The following WRN variants were observed in gnomAD, a reference collection of about 807,000 sequenced individuals.
WRN encodes the protein bifunctional 3'-5' exonuclease/ATP-dependent helicase WRN.
In WRN, 149 loss-of-function variants were observed where a neutral mutation model predicts 180.7. That is an observed-to-expected ratio of 0.82 (90% CI 0.72 to 0.94). WRN has a LOEUF of 0.94. Ranked by LOEUF, WRN falls within the 40% of genes least tolerant of loss-of-function variation. WRN has a pLI of 0.00. For synonymous variants in WRN, 548 were observed against 568.9 expected (o/e 0.96, Z 0.52); for missense variants, 1,661 against 1,700.1 (o/e 0.98, Z 0.40).
intron 19 of WRN, among the ~76,000 whole-genome samples, chr8:31,112,424 A>G (rs1801356196): frequency 6.6e-6 from 1 of 152,176 alleles, no homozygotes. Flanking sequence ...TCTATATAAA[A>G]TGATCTAATT....
chr8:31,051,333 T>G (rs953287579), intron 1 of WRN, among the ~76,000 whole-genome samples: 3 of 152,168 alleles, frequency 2.0e-5, no homozygotes, highest in African/African-American at 7.2e-5. Flanking sequence ...ACGGTTCTCT[T>G]GAGGTGAATT....
chr8:31,160,283 G>A (rs1334442380), intron 33 of WRN, among the ~76,000 whole-genome samples: 2 of 152,146 alleles, frequency 1.3e-5, no homozygotes, highest in South Asian at 2.1e-4. Flanking sequence ...ACGAATTAAC[G>A]ATGTAAGTTA....
Position 31,111,753 on chromosome 8 carries a change from A to C in WRN, c.2227A>C (p.Thr743Pro), listed in dbSNP as rs1314804052. 6.2e-7 allele frequency: 1 copy of C among 1,614,110 alleles called. No individual in the cohort carries two copies. Among genetic ancestry groups the C allele is most frequent in the Non-Finnish European group, 8.5e-7 (1 of 1,180,010 alleles). Residue 743 changes from threonine (T) to proline (P), a missense_variant, in exon 19 of 35, where the codon ACA becomes CCA. By Grantham distance (38) the Thr-to-Pro change is conservative. This residue lies in a region of WRN where 1,141 missense variants were observed against 1,149.4 expected (regional missense o/e 0.99). Transcript: ENST00000298139. Reference sequence around the variant, plus strand: ...CCTGTATTTAGAAGTTAGGCGAAAAACAGGGAATATCCTTCAGGATCTGCA... The same window carrying C: ...CCTGTATTTAGAAGTTAGGCGAAAACCAGGGAATATCCTTCAGGATCTGCA... ...PNLYLEVRRK[T>P]GNILQDLQPF...
chr8:31,175,662 C>G lies in WRN; in HGVS notation c.*2560C>G, dbSNP rs946245941. 6.6e-6 allele frequency among the ~76,000 whole-genome samples: 1 copy of G among 152,178 alleles called. No homozygotes were observed. On this transcript the variant is annotated 3_prime_UTR_variant, in exon 35 of 35. Transcript: ENST00000298139. ...GAACAGGCTATTAAAATACTCTTCTCTTTTCCAACTACGTGCCTGTGCAAA... is the reference window on the plus strand; with the variant it reads ...GAACAGGCTATTAAAATACTCTTCTGTTTTCCAACTACGTGCCTGTGCAAA...
rs1804258579 is a variant in WRN, at chr8:31,175,856, A to T, written c.*2754A>T. On this transcript the variant is annotated 3_prime_UTR_variant, in exon 35 of 35. Transcript: ENST00000298139. ...AAAAATATGTTTTTTAAAAGTATTT[A>T]TGTTAATGTGTACTTGGTTTACTAC... 6.6e-6 allele frequency among the ~76,000 whole-genome samples: 1 copy of T among 152,222 alleles called. No homozygotes were observed. Among genetic ancestry groups the T allele is most frequent in the Non-Finnish European group, 1.5e-5 (1 of 68,034 alleles).
Position 31,096,851 on chromosome 8 carries a change from G to C in WRN, c.1981+1G>C, listed in dbSNP as rs1814007969. The C allele has an allele frequency of 2.5e-6, 4 of 1,612,422 alleles. No homozygotes were observed. The highest frequency in any genetic ancestry group is 3.4e-6 in the Non-Finnish European group (4 of 1,179,006). ...CTCCAGCAACTTGAGGCTGATATTGGTAAGTGATAAAGAAAGATCTCTGTA... is the reference window on the plus strand; with the variant it reads ...CTCCAGCAACTTGAGGCTGATATTGCTAAGTGATAAAGAAAGATCTCTGTA... On this transcript the variant is annotated splice_donor_variant, in intron 17 of 34. Coordinates refer to ENST00000298139, the MANE Select transcript of WRN (RefSeq NM_000553.6). LOFTEE classifies it high-confidence loss of function.
chr8:31,140,679 A>G (rs943234343), intron 24 of WRN, among the ~76,000 whole-genome samples: 1 of 152,222 alleles, frequency 6.6e-6, no homozygotes, highest in Non-Finnish European at 1.5e-5. Context: ...AAAAACAAAA[A>G]TGCATTGGAA....
chr8:31,044,167 C>T (rs1563319243), intron 1 of WRN, among the ~76,000 whole-genome samples: 1 of 149,334 alleles, frequency 6.7e-6, no homozygotes, highest in Non-Finnish European at 1.5e-5. Flanking sequence ...TCAGCCTCCC[C>T]AGCAGCTGGG....
At chr8:31,112,960 C>T (rs1307653837) in intron 19 of WRN, among the ~76,000 whole-genome samples, 1 of 151,698 alleles carries the variant, frequency 6.6e-6, no homozygotes, top group East Asian at 2.0e-4. Flanking sequence ...AATCCCAGCA[C>T]TTTGGGAGGC....
chr8:31,096,103 TA>T (rs1478985961), intron 16 of WRN, among the ~76,000 whole-genome samples: 1 of 152,242 alleles, frequency 6.6e-6, no homozygotes, highest in African/African-American at 2.4e-5. Context: ...TTTCCTATGT[TA>T]ATTAGAATAC....
At position 31,090,815 on chromosome 8, in the gene WRN, A is replaced by T. The variant is rs1446581275; in HGVS notation, c.1721-19A>T. On this transcript the variant is annotated intron_variant, in intron 14 of 34. Transcript: ENST00000298139. ...TCTATATTTTTTTCATTTTATTTTTATATTTTTTTCATTTCAAGGATATGG... is the reference window on the plus strand; with the variant it reads ...TCTATATTTTTTTCATTTTATTTTTTTATTTTTTTCATTTCAAGGATATGG... The T allele has an allele frequency of 6.4e-7, 1 of 1,568,578 alleles. No homozygotes were observed. Among genetic ancestry groups the T allele is most frequent in the Non-Finnish European group, 8.7e-7 (1 of 1,147,750 alleles).
intron 1 of WRN, among the ~76,000 whole-genome samples, chr8:31,050,577 T>A (rs1812045102): frequency 6.6e-6 from 1 of 151,906 alleles, no homozygotes; most frequent in African/African-American, 2.4e-5. Context: ...AGTCCAGATT[T>A]CTTTCCACTC....
intron 16 of WRN, 29 bp from the exon 17 acceptor site, chr8:31,096,739 T>C: frequency 6.4e-7 from 1 of 1,557,646 alleles, no homozygotes; most frequent in South Asian, 1.2e-5. Flanking sequence ...TTTTTTTTTT[T>C]TTCTTTTTTC....
intron 33 of WRN, among the ~76,000 whole-genome samples, chr8:31,162,157 T>G (rs1375829189): frequency 6.6e-6 from 1 of 152,240 alleles, no homozygotes; most frequent in African/African-American, 2.4e-5. Flanking sequence ...TCTTTATGAA[T>G]TAAAATCTTT....
chr8:31,063,126 C>T (rs1812556061), intron 3 of WRN, among the ~76,000 whole-genome samples: 1 of 152,200 alleles, frequency 6.6e-6, no homozygotes, highest in Non-Finnish European at 1.5e-5. Flanking sequence ...GTGTGAGCCA[C>T]TGGCTGCTCA....
At position 31,040,215 on chromosome 8, in the gene WRN, G is replaced by A. The variant is rs184412637; in HGVS notation, c.-77+6242G>A. ...GGAAATATACAAAAGGAGCAGTTTG[G>A]GGAAACTTTATATCTATTGAGTGGA... On this transcript the variant is annotated intron_variant, in intron 1 of 34. Transcript: ENST00000298139. Among the ~76,000 whole-genome samples, 26 of 152,262 alleles carry A rather than the reference G, an allele frequency of 1.7e-4. No individual in the cohort carries two copies. The East Asian group carries it at 4.2e-3, about 25-fold the overall frequency.
intron 5 of WRN, among the ~76,000 whole-genome samples, chr8:31,065,693 A>T (rs1030100891): frequency 6.6e-6 from 1 of 152,118 alleles, no homozygotes; most frequent in South Asian, 2.1e-4. Context: ...ATAGTGCTGC[A>T]GTGAACATAT....
intron 16 of WRN, 26 bp from the exon 17 acceptor site, chr8:31,096,737 TTTTTC>T (rs2130202040): frequency 6.5e-7 from 1 of 1,544,640 alleles, no homozygotes; most frequent in Non-Finnish European, 8.8e-7. Flanking sequence ...TGTTTTTTTT[TTTTTC>T]TTTTTTCTTT....
chr8:31,128,164 A>G (rs978291967), intron 23 of WRN, among the ~76,000 whole-genome samples: 8 of 152,116 alleles, frequency 5.3e-5, no homozygotes, highest in African/African-American at 1.7e-4. Context: ...CAACAAATCC[A>G]CCATCAAAGT....
Sources: gnomAD v4.1 joint callset for allele counts (sites outside exome capture counted in the v4.1 genomes callset) on GRCh38, gnomAD v4.1.1 for gene constraint, gnomAD v4.1.1 regional missense constraint, MANE v1.5 for transcripts, NCBI Gene and HGNC (gene_info 2026-07-23, HGNC 2026-07-21) for gene names.